Variants in GOPC observed in about 807,000 individuals in gnomAD.
GOPC encodes Golgi-associated PDZ and coiled-coil motif-containing protein.
GOPC carries 32 observed loss-of-function variants against 51.2 expected under a neutral mutation model. The observed-to-expected ratio is 0.63, with a 90% CI of 0.47 to 0.84. The LOEUF is 0.84. Ranked by LOEUF, GOPC falls within the 40% of genes least tolerant of loss-of-function variation. GOPC has a pLI of 0.00. For missense variants in GOPC, 441 were observed against 555.5 expected, an observed-to-expected ratio of 0.79 and a Z score of 2.07; for synonymous variants, 190 against 205.1, an observed-to-expected ratio of 0.93 and a Z score of 0.63.
intron 1 of GOPC, among the ~76,000 whole-genome samples, chr6:117,601,480 A>G (rs768144190): frequency 5.3e-5 from 8 of 152,250 alleles, no homozygotes; most frequent in Non-Finnish European, 7.3e-5. Context: ...CGAGACAGTG[A>G]TACTATCGTT....
intron 2 of GOPC, among the ~76,000 whole-genome samples, 163 bp downstream of exon 2, chr6:117,578,737 G>C (rs185344419): frequency 6.6e-6 from 1 of 152,126 alleles, no homozygotes; most frequent in East Asian, 1.9e-4. Context: ...TATAGGTGAT[G>C]AGATTGTAGA....
chr6:117,561,218 A>G lies in GOPC; in HGVS notation c.*2036T>C, dbSNP rs1779578172. Reference sequence around the variant, plus strand: ...ATTTATATCATGACAATCTCACACAATTCTTCAAATTACACAGTGACCTCA... The same window carrying G: ...ATTTATATCATGACAATCTCACACAGTTCTTCAAATTACACAGTGACCTCA... On this transcript the variant is annotated 3_prime_UTR_variant, in exon 9 of 9. Coordinates refer to ENST00000368498, the MANE Select transcript of GOPC (RefSeq NM_020399.4). 2 of 223,376 alleles carry G rather than the reference A, an allele frequency of 9.0e-6. No homozygotes were observed. The allele number at this position is 223,376 out of a possible 1,614,324, so 13.8% of individuals were successfully genotyped here.
intron 1 of GOPC, among the ~76,000 whole-genome samples, chr6:117,584,223 C>A (rs1779998806): frequency 6.6e-6 from 1 of 152,188 alleles, no homozygotes; most frequent in South Asian, 2.1e-4. Context: ...ACCCCACCAA[C>A]AAACAAGCAA....
chr6:117,577,768 T>A (rs1779903100), intron 2 of GOPC, among the ~76,000 whole-genome samples: 1 of 152,114 alleles, frequency 6.6e-6, no homozygotes, highest in Non-Finnish European at 1.5e-5. Flanking sequence ...ATTTAGATTG[T>A]TTCTGAATGT....
chr6:117,563,528 C>T, intron 8 of GOPC, 144 bp from the exon 9 acceptor site: 1 of 690,530 alleles, frequency 1.4e-6, no homozygotes, highest in East Asian at 2.7e-5. Flanking sequence ...TCGAGACCAG[C>T]CTGGACAATG....
chr6:117,593,435 AAAAAC>A (rs1267358653), intron 1 of GOPC, among the ~76,000 whole-genome samples: 1 of 152,142 alleles, frequency 6.6e-6, no homozygotes. Context: ...GTTTTTATTT[AAAAAC>A]AAAATGAAAA....
chr6:117,578,965 TAG>T lies in GOPC; in HGVS notation c.383_384del (p.Ser128TyrfsTer8). On this transcript the variant is annotated frameshift_variant, in exon 2 of 9. Transcript: ENST00000368498. LOFTEE classifies it high-confidence loss of function. ...GTTTTAGCATGAAGCTGCAGCTGAA[TAG>T]AGTGCAGCTGTAAAAGCTGATCATG... ...EVHDQLLQLH[S>X]IQLQLHAKTG... 1 of 1,612,212 alleles carries T rather than the reference TAG, an allele frequency of 6.2e-7. No individual in the cohort carries two copies. The highest frequency in any genetic ancestry group is 8.5e-7 in the Non-Finnish European group (1 of 1,179,190).
In GOPC at chr6:117,577,631, G is replaced by C. The variant is rs369477137; in HGVS notation, c.451-160C>G. Among the ~76,000 whole-genome samples the C allele has an allele frequency of 2.6e-5, 4 of 152,110 alleles. No individual in the cohort carries two copies. In the East Asian group the frequency reaches 7.7e-4, roughly 29 times the overall value. On this transcript the variant is annotated intron_variant, in intron 2 of 8. Transcript: ENST00000368498. ...TTGCAATCTATAAACAATAGTAACT[G>C]TAATAGCATTAGATTAAAACTTTTT... is the stretch of plus-strand genomic sequence containing the variant.
At chr6:117,597,268 G>A (rs1334943662) in intron 1 of GOPC, among the ~76,000 whole-genome samples, 1 of 152,172 alleles carries the variant, frequency 6.6e-6, no homozygotes, top group Admixed American at 6.5e-5. Context: ...TCATTTACCA[G>A]TTCTAGGAGC....
chr6:117,598,035 A>G (rs1299515239), intron 1 of GOPC, among the ~76,000 whole-genome samples: 1 of 151,990 alleles, frequency 6.6e-6, no homozygotes, highest in African/African-American at 2.4e-5. Flanking sequence ...AAGATACATA[A>G]TGCATGTTCT....
intron 8 of GOPC, among the ~76,000 whole-genome samples, chr6:117,566,055 ATCT>A (rs372623706): frequency 2.0e-4 from 31 of 152,300 alleles, no homozygotes; most frequent in African/African-American, 7.2e-4. Flanking sequence ...CAAAATTGGT[ATCT>A]TCTTCTTTTA....
At chr6:117,598,204 A>T in intron 1 of GOPC, among the ~76,000 whole-genome samples, 1 of 151,376 alleles carries the variant, frequency 6.6e-6, no homozygotes, top group South Asian at 2.1e-4. Flanking sequence ...ACTAAAAAAA[A>T]AAAAAAATAA....
Position 117,569,636 on chromosome 6 carries a change from G to A in GOPC, c.1013C>T (p.Ala338Val), listed in dbSNP as rs753528422. ...GGLHVGDAIL[A>V]VNGVNLRDTK... Reference sequence around the variant, plus strand: ...GTCCCTTAGGTTAACTCCGTTGACTGCCAAAATAGCATCCCCAACGTGCAG... The same window carrying A: ...GTCCCTTAGGTTAACTCCGTTGACTACCAAAATAGCATCCCCAACGTGCAG... Residue 338 changes from alanine to valine, a missense_variant, in exon 7 of 9, where the codon GCA becomes GTA. Coordinates refer to ENST00000368498, the MANE Select transcript of GOPC (RefSeq NM_020399.4). 7 of 1,613,002 alleles carry A rather than the reference G, an allele frequency of 4.3e-6. No homozygotes were observed. The highest frequency in any genetic ancestry group is 5.9e-6 in the Non-Finnish European group (7 of 1,179,630).
chr6:117,562,969 T>C lies in GOPC; in HGVS notation c.*285A>G, dbSNP rs1369782677. ...ACCAAGTAAAACAGTAGGGTTTCATTTGGTACTTAAGAGCCCAGTAATACC... is the reference window on the plus strand; with the variant it reads ...ACCAAGTAAAACAGTAGGGTTTCATCTGGTACTTAAGAGCCCAGTAATACC... On this transcript the variant is annotated 3_prime_UTR_variant, in exon 9 of 9. Coordinates refer to ENST00000368498, the MANE Select transcript of GOPC (RefSeq NM_020399.4). The C allele has an allele frequency of 8.8e-6, 3 of 339,322 alleles. No individual in the cohort carries two copies. The highest frequency in any genetic ancestry group is 1.6e-5 in the Non-Finnish European group (3 of 185,014). The allele number at this position is 339,322 out of a possible 1,614,324, so 21.0% of individuals were successfully genotyped here.
intron 1 of GOPC, among the ~76,000 whole-genome samples, chr6:117,585,121 G>A (rs546960345): frequency 7.0e-4 from 107 of 152,218 alleles, no homozygotes; most frequent in African/African-American, 2.5e-3. Flanking sequence ...GGCTACTGGT[G>A]ATCAACTTAA....
At chr6:117,591,041 G>A (rs1235658922) in intron 1 of GOPC, among the ~76,000 whole-genome samples, 3 of 152,084 alleles carry the variant, frequency 2.0e-5, no homozygotes, top group Non-Finnish European at 4.4e-5. Flanking sequence ...TAGTAGAGAT[G>A]GGGTTTCCCC....
intron 1 of GOPC, among the ~76,000 whole-genome samples, chr6:117,594,284 G>A (rs1286694203): frequency 4.6e-5 from 7 of 152,114 alleles, no homozygotes; most frequent in Non-Finnish European, 4.4e-5. Flanking sequence ...TTCCCTCTAC[G>A]GCAATGTTGA....
intron 1 of GOPC, among the ~76,000 whole-genome samples, chr6:117,595,592 A>G (rs1780185959): frequency 6.6e-6 from 1 of 152,166 alleles, no homozygotes. Context: ...TATCATTCAT[A>G]TGCCTTTGCA....
chr6:117,573,674 C>A, intron 4 of GOPC, 42 bp from the exon 5 acceptor site: 1 of 1,514,020 alleles, frequency 6.6e-7, no homozygotes, highest in South Asian at 1.3e-5. Context: ...TCATTATATT[C>A]ACTACAGTGA....
Sources: allele counts gnomAD v4.1 joint callset (sites outside exome capture counted in the v4.1 genomes callset), GRCh38; gene constraint gnomAD v4.1.1; transcripts MANE v1.5; gene names NCBI Gene and HGNC (gene_info 2026-07-23, HGNC 2026-07-21).